Variants in PTPRD observed in about 807,000 individuals in gnomAD.
PTPRD encodes receptor-type tyrosine-protein phosphatase delta.
In PTPRD, 34 loss-of-function variants were observed where a neutral mutation model predicts 214.5. That is an observed-to-expected ratio of 0.16 (90% CI 0.12 to 0.21). The LOEUF (loss-of-function observed/expected upper bound fraction) is 0.21, where lower values mean the gene tolerates loss of function less well. Among genes scored for constraint, PTPRD ranks in the 10% least tolerant of loss-of-function variants. The pLI, the probability that PTPRD is intolerant of heterozygous loss-of-function variation, is 1.00. For synonymous variants in PTPRD, 1,128 were observed against 845.7 expected (o/e 1.33, Z -5.79); for missense variants, 2,545 against 2,398.7 (o/e 1.06, Z -1.27).
intron 11 of PTPRD, among the ~76,000 whole-genome samples, chr9:8,988,277 T>G (rs2099353341): frequency 1.3e-5 from 2 of 152,146 alleles, no homozygotes; most frequent in African/African-American, 4.8e-5. Flanking sequence ...CTAAATAAAA[T>G]GATTAACTTA....
At chr9:9,324,092 AT>A (rs1968344713) in intron 9 of PTPRD, among the ~76,000 whole-genome samples, 2 of 152,256 alleles carry the variant, frequency 1.3e-5, no homozygotes, top group South Asian at 4.1e-4. Context: ...TCTATCATTG[AT>A]GGACATTTGG....
chr9:9,934,097 A>G lies in PTPRD; in HGVS notation c.-368+4410T>C, dbSNP rs1009497659. On this transcript the variant is annotated intron_variant, in intron 5 of 45. Transcript: ENST00000381196. Reference sequence around the variant, plus strand: ...CAAAGCAGTGTGTAGAGGGAAATTTATAGCACTAAACGCCCACAAGAGAAA... The same window carrying G: ...CAAAGCAGTGTGTAGAGGGAAATTTGTAGCACTAAACGCCCACAAGAGAAA... 1.1e-4 allele frequency among the ~76,000 whole-genome samples: 16 copies of G among 150,264 alleles called. 1 individual carries two copies. The highest frequency in any genetic ancestry group is 3.8e-4 in the African/African-American group (15 of 39,718).
intron 11 of PTPRD, among the ~76,000 whole-genome samples, chr9:8,993,898 G>A (rs144187985): frequency 2.3e-3 from 348 of 152,166 alleles, no homozygotes; most frequent in African/African-American, 8.1e-3. Context: ...ATGAGCAAAT[G>A]ACAATAAAAA....
rs756917717 is a variant in PTPRD at position 8,518,128 on chromosome 9, C to T, written c.1263G>A (p.Pro421=). The change falls in exon 21 of 46, where the codon CCG becomes CCA. Residue 421 remains proline, a synonymous_variant. Transcript: ENST00000381196. ...TCAACATTCGTGCCTGGACATCCCT[C>T]GGGGCACTGGATGGTGCTTGCTCTG... is the stretch of plus-strand genomic sequence containing the variant. ...QTSEQAPSSA[P]RDVQARMLSS... The T allele has an allele frequency of 1.8e-5, 29 of 1,614,052 alleles. No homozygotes were observed. The African/African-American group carries it at 2.4e-4, about 13-fold the overall frequency.
chr9:9,134,507 C>T (rs951412937), intron 10 of PTPRD, among the ~76,000 whole-genome samples: 4 of 152,176 alleles, frequency 2.6e-5, no homozygotes, highest in Non-Finnish European at 5.9e-5. Context: ...AAACAGGTCT[C>T]TCTGATTCTC....
At chr9:9,244,316 C>A (rs1427851881) in intron 9 of PTPRD, among the ~76,000 whole-genome samples, 2 of 152,002 alleles carry the variant, frequency 1.3e-5, no homozygotes, top group Non-Finnish European at 2.9e-5. Flanking sequence ...CAAAAAAGAG[C>A]CCGCATTGCC....
chr9:8,593,742 A>G (rs2094289312), intron 14 of PTPRD, among the ~76,000 whole-genome samples: 1 of 152,230 alleles, frequency 6.6e-6, no homozygotes, highest in Admixed American at 6.5e-5. Flanking sequence ...GGAAAATGCA[A>G]CTTCTAAAAC....
chr9:9,263,432 T>A (rs1192754052), intron 9 of PTPRD, among the ~76,000 whole-genome samples: 1 of 151,670 alleles, frequency 6.6e-6, no homozygotes, highest in Non-Finnish European at 1.5e-5. Flanking sequence ...TTCTCTACCT[T>A]CAGTCAATAG....
intron 3 of PTPRD, among the ~76,000 whole-genome samples, chr9:10,233,125 C>T (rs1046963471): frequency 2.6e-5 from 4 of 151,992 alleles, no homozygotes; most frequent in Non-Finnish European, 5.9e-5. Context: ...AGAATTCTGG[C>T]TTGCAAAGCA....
chr9:10,232,514 T>C (rs1282631400), intron 3 of PTPRD, among the ~76,000 whole-genome samples: 1 of 151,992 alleles, frequency 6.6e-6, no homozygotes, highest in African/African-American at 2.4e-5. Context: ...AATCGATTTG[T>C]ATCATATTCA....
Position 8,664,540 on chromosome 9 carries a change from T to C in PTPRD, c.65-27696A>G, listed in dbSNP as rs923788943. Among the ~76,000 whole-genome samples the C allele has an allele frequency of 3.9e-5, 6 of 152,286 alleles. No homozygotes were observed. In the South Asian group the frequency reaches 8.3e-4, roughly 21 times the overall value. On this transcript the variant is annotated intron_variant, in intron 12 of 45. Transcript: ENST00000381196. The stretch of plus-strand genomic sequence containing the variant: ...TTATATAGTACTCCCTCCAATGTGA[T>C]AGATCAGCCAAGTGGCATGAAAGTT...
chr9:8,776,843 G>A (rs2095498380), intron 11 of PTPRD, among the ~76,000 whole-genome samples: 1 of 144,930 alleles, frequency 6.9e-6, no homozygotes, highest in Admixed American at 7.0e-5. Context: ...TAATACATAG[G>A]TATAATATAA....
At chr9:10,070,896 A>T (rs1054920437) in intron 3 of PTPRD, among the ~76,000 whole-genome samples, 2 of 152,024 alleles carry the variant, frequency 1.3e-5, no homozygotes, top group Admixed American at 1.3e-4. Flanking sequence ...GTCCACAAAA[A>T]TCCCTAGAAT....
chr9:8,401,167 TC>T (rs1368683927), intron 36 of PTPRD, among the ~76,000 whole-genome samples: 2 of 65,808 alleles, frequency 3.0e-5, no homozygotes, highest in Middle Eastern at 0.012. Context: ...ATTTACCTTT[TC>T]TTTTTTTTTT....
chr9:9,312,963 C>T (rs974821363), intron 9 of PTPRD, among the ~76,000 whole-genome samples: 5 of 152,148 alleles, frequency 3.3e-5, no homozygotes, highest in Admixed American at 6.5e-5. Context: ...CTATGGCTAC[C>T]ATTACTCATG....
intron 33 of PTPRD, among the ~76,000 whole-genome samples, chr9:8,457,888 T>G (rs7044709): frequency 6.6e-6 from 1 of 151,896 alleles, no homozygotes; most frequent in Non-Finnish European, 1.5e-5. Flanking sequence ...CTATTTATTA[T>G]GTAATTAACT....
At chr9:9,241,952 C>A (rs2099970572) in intron 9 of PTPRD, among the ~76,000 whole-genome samples, 1 of 152,066 alleles carries the variant, frequency 6.6e-6, no homozygotes, top group African/African-American at 2.4e-5. Context: ...ATGGTCTTTA[C>A]AATTTGGCAT....
intron 3 of PTPRD, among the ~76,000 whole-genome samples, chr9:10,244,964 A>C (rs138295593): frequency 1.3e-5 from 2 of 152,244 alleles, no homozygotes; most frequent in East Asian, 1.9e-4. Flanking sequence ...AACTCTTCTC[A>C]TTTTCCCATT....
chr9:9,959,725 C>T (rs181447906), intron 4 of PTPRD, among the ~76,000 whole-genome samples: 1 of 152,034 alleles, frequency 6.6e-6, no homozygotes, highest in Non-Finnish European at 1.5e-5. Flanking sequence ...TACAGGTTAA[C>T]AATTCTGATA....
Sources: gnomAD v4.1 joint callset for allele counts (sites outside exome capture counted in the v4.1 genomes callset) on GRCh38, gnomAD v4.1.1 for gene constraint, MANE v1.5 for transcripts, NCBI Gene and HGNC (gene_info 2026-07-23, HGNC 2026-07-21) for gene names.